MEI4: variants seen among roughly 807,000 people sequenced by gnomAD.
MEI4 encodes meiosis-specific protein MEI4.
Under a neutral mutation model 31.4 loss-of-function variants are expected in MEI4, and 27 were observed. That is an observed-to-expected ratio of 0.86 (90% CI 0.63 to 1.19). The LOEUF (loss-of-function observed/expected upper bound fraction) is 1.19, where lower values mean the gene tolerates loss of function less well. Ranked by LOEUF, MEI4 falls within the 50% of genes most tolerant of loss-of-function variation. MEI4 has a pLI of 0.00. For synonymous variants in MEI4, 122 were observed against 145.4 expected (o/e 0.84, Z 1.16); for missense variants, 329 against 398.9 (o/e 0.82, Z 1.49).
At position 77,847,127 on chromosome 6, in the gene MEI4, A is replaced by C. The variant is rs1770508190; in HGVS notation, c.900+18065A>C. Reference sequence around the variant, plus strand: ...TGTTTTTTTTTGGTGAGTTAATGAAAAATTGAAAATGAGTTTAAATAAAAG... The same window carrying C: ...TGTTTTTTTTTGGTGAGTTAATGAACAATTGAAAATGAGTTTAAATAAAAG... On this transcript the variant is annotated intron_variant, in intron 4 of 4. Coordinates refer to ENST00000684080, the MANE Select transcript of MEI4 (RefSeq NM_001322247.2). The surrounding 1 kb of genome is among the most constrained non-coding windows in gnomAD (Gnocchi z 4.6). Among the ~76,000 whole-genome samples, 1 of 151,758 alleles carries C rather than the reference A, an allele frequency of 6.6e-6. No homozygotes were observed. Among genetic ancestry groups the C allele is most frequent in the African/African-American group, 2.4e-5 (1 of 41,074 alleles).
intron 4 of MEI4, among the ~76,000 whole-genome samples, chr6:77,896,224 G>T (rs1029660305): frequency 3.9e-5 from 6 of 152,086 alleles, no homozygotes; most frequent in Non-Finnish European, 7.4e-5. Context: ...AAAAGATCAA[G>T]AATTTATATT....
At chr6:77,715,862 T>A (rs1235926985) in intron 2 of MEI4, among the ~76,000 whole-genome samples, 2 of 152,220 alleles carry the variant, frequency 1.3e-5, no homozygotes, top group Non-Finnish European at 2.9e-5. Flanking sequence ...AGGCATTTAA[T>A]TTCTTGGTTG....
At chr6:77,903,331 A>C (rs1456050245) in intron 4 of MEI4, among the ~76,000 whole-genome samples, 2 of 152,094 alleles carry the variant, frequency 1.3e-5, no homozygotes, top group Admixed American at 1.3e-4. Flanking sequence ...AGGACTGTTC[A>C]GTTAATTATG....
intron 2 of MEI4, among the ~76,000 whole-genome samples, chr6:77,740,710 T>G (rs998632848): frequency 6.6e-6 from 1 of 152,156 alleles, no homozygotes; most frequent in Admixed American, 6.6e-5. Context: ...CCTGTGATGT[T>G]ATTTCAAGTG....
intron 4 of MEI4, among the ~76,000 whole-genome samples, chr6:77,889,880 G>A (rs1049364042): frequency 2.0e-5 from 3 of 152,216 alleles, no homozygotes; most frequent in Non-Finnish European, 4.4e-5. Context: ...GCTTCAGAGG[G>A]TGTAAGCCCC....
At chr6:77,675,541 T>A (rs1768827903) in intron 1 of MEI4, among the ~76,000 whole-genome samples, 1 of 151,656 alleles carries the variant, frequency 6.6e-6, no homozygotes, top group South Asian at 2.1e-4. Context: ...GCTTTTTTTT[T>A]TTTTTTAAAA....
At position 77,687,642 on chromosome 6, in the gene MEI4, C is replaced by T. The variant is rs1769082556; in HGVS notation, c.-14-3016C>T. On this transcript the variant is annotated intron_variant, in intron 1 of 4. Coordinates refer to ENST00000684080, the MANE Select transcript of MEI4 (RefSeq NM_001322247.2). ...GGTTCTCACAACCCTTCTAGTCAGG[C>T]TTGATAACTTGCTAGAATAACTCAC... 4.6e-5 allele frequency among the ~76,000 whole-genome samples: 7 copies of T among 151,878 alleles called. No homozygotes were observed. The South Asian group carries it at 1.5e-3, about 31-fold the overall frequency.
intron 4 of MEI4, among the ~76,000 whole-genome samples, chr6:77,909,827 G>T (rs550854757): frequency 6.6e-6 from 1 of 152,064 alleles, no homozygotes; most frequent in Non-Finnish European, 1.5e-5. Flanking sequence ...CTGGCAAACC[G>T]AATCCAGTAG....
At chr6:77,850,535 G>A (rs1770590944) in intron 4 of MEI4, among the ~76,000 whole-genome samples, 1 of 152,034 alleles carries the variant, frequency 6.6e-6, no homozygotes, top group Non-Finnish European at 1.5e-5. Context: ...AGAAATGGGG[G>A]AATGATTCCC....
chr6:77,924,938 A>G lies in MEI4; in HGVS notation c.*1592A>G, dbSNP rs1766810139. Reference sequence around the variant, plus strand: ...ACTTCACAACAAGTACCAGTTGAATACAAGAAGTATATTCCAAATCTTGGA... The same window carrying G: ...ACTTCACAACAAGTACCAGTTGAATGCAAGAAGTATATTCCAAATCTTGGA... On this transcript the variant is annotated 3_prime_UTR_variant, in exon 5 of 5. Transcript: ENST00000684080. 6.6e-6 allele frequency: 1 copy of G among 151,912 alleles called. No homozygotes were observed. The allele number at this position is 151,912 out of a possible 1,614,324, so 9.4% of individuals were successfully genotyped here. A position where few individuals can be genotyped will look rare whatever the true frequency, so the allele number is the denominator to read the frequency against.
chr6:77,745,317 A>T (rs1403455050), intron 2 of MEI4, among the ~76,000 whole-genome samples: 1 of 152,190 alleles, frequency 6.6e-6, no homozygotes, highest in East Asian at 1.9e-4. Context: ...AGGGGTTGCA[A>T]TCCTAGTCTC....
At chr6:77,877,704 A>C (rs1771376199) in intron 4 of MEI4, among the ~76,000 whole-genome samples, 1 of 146,858 alleles carries the variant, frequency 6.8e-6, no homozygotes, top group Non-Finnish European at 1.5e-5. Context: ...TCCAGAAACC[A>C]AGCAGTCAGC....
chr6:77,856,862 A>G (rs1237405765), intron 4 of MEI4, among the ~76,000 whole-genome samples: 21 of 150,084 alleles, frequency 1.4e-4, no homozygotes, highest in African/African-American at 4.4e-4. Context: ...ACCTCTTTAC[A>G]TTTTGTGCCC....
chr6:77,799,249 G>A (rs1382040666), intron 3 of MEI4, among the ~76,000 whole-genome samples: 2 of 152,034 alleles, frequency 1.3e-5, no homozygotes, highest in Non-Finnish European at 2.9e-5. Context: ...GCCAGTGATG[G>A]TGAGCATTTT....
intron 1 of MEI4, among the ~76,000 whole-genome samples, chr6:77,690,223 A>C (rs1769133531): frequency 6.6e-6 from 1 of 151,984 alleles, no homozygotes; most frequent in Non-Finnish European, 1.5e-5. Flanking sequence ...TAAATTTATA[A>C]ATAGATAATT....
intron 2 of MEI4, among the ~76,000 whole-genome samples, chr6:77,747,542 C>T (rs1767647929): frequency 6.6e-6 from 1 of 151,996 alleles, no homozygotes; most frequent in South Asian, 2.1e-4. Flanking sequence ...CACTTAGTGT[C>T]ATGAGAACAG....
chr6:77,690,636 C>A (rs984405543), intron 1 of MEI4, 22 bp from the exon 2 acceptor site: 51 of 1,139,148 alleles, frequency 4.5e-5, no homozygotes, highest in Non-Finnish European at 5.0e-5. Context: ...ATTTCTATAA[C>A]TTTTTTCTTA....
intron 2 of MEI4, 90 bp downstream of exon 2, chr6:77,690,993 A>C: frequency 1.5e-6 from 1 of 677,030 alleles, no homozygotes; most frequent in South Asian, 7.9e-5. Flanking sequence ...CAAAACATGA[A>C]AATTTTTAGT....
chr6:77,906,999 G>A (rs1047000479), intron 4 of MEI4, among the ~76,000 whole-genome samples: 1 of 138,682 alleles, frequency 7.2e-6, no homozygotes, highest in Non-Finnish European at 1.6e-5. Flanking sequence ...ACATTCTTAT[G>A]TTGATAGATG....
Sources: gnomAD v4.1 joint callset for allele counts (sites outside exome capture counted in the v4.1 genomes callset) on GRCh38, gnomAD v4.1.1 for gene constraint, Gnocchi (gnomAD v3.1) non-coding constraint, MANE v1.5 for transcripts, NCBI Gene and HGNC (gene_info 2026-07-23, HGNC 2026-07-21) for gene names.